The following ZNF83 variants were observed in gnomAD, a reference collection of about 807,000 sequenced individuals.
ZNF83 encodes zinc finger protein 816B.
For synonymous variants in ZNF83, 209 were observed against 213.0 expected, an observed-to-expected ratio of 0.98 and a Z score of 0.17; for missense variants, 552 against 629.9, an observed-to-expected ratio of 0.88 and a Z score of 1.32.
At chr19:52,632,009 C>T (rs1313712632) in intron 2 of ZNF83, among the ~76,000 whole-genome samples, 7 of 152,008 alleles carry the variant, frequency 4.6e-5, no homozygotes, top group Non-Finnish European at 8.8e-5. Flanking sequence ...CTTTACTCAA[C>T]GTGCCCTGAG....
At chr19:52,642,799 T>C (rs1022049564), upstream of ZNF83, among the ~76,000 whole-genome samples, 4 of 152,084 alleles carry the variant, frequency 2.6e-5, no homozygotes, top group African/African-American at 7.2e-5. Context: ...GGTGGGAGGA[T>C]TACTTGAGCT....
At chr19:52,666,280 G>A (rs1183958322) in intron 1 of ZNF83, among the ~76,000 whole-genome samples, 1 of 151,940 alleles carries the variant, frequency 6.6e-6, no homozygotes, top group Non-Finnish European at 1.5e-5. Flanking sequence ...AAAAGAGAGA[G>A]AGAGAGTAGT....
chr19:52,679,643 C>T (rs2061875040), intron 1 of ZNF83, among the ~76,000 whole-genome samples: 1 of 152,048 alleles, frequency 6.6e-6, no homozygotes, highest in African/African-American at 2.4e-5. Flanking sequence ...AGCATGACAG[C>T]TGGAAACACT....
chr19:52,617,462 G>A (rs2060352345), intron 2 of ZNF83: 1 of 152,264 alleles, frequency 6.6e-6, no homozygotes, highest in South Asian at 2.1e-4. Context: ...CGGGAGCAGT[G>A]GCTCATGCCT....
intron 1 of ZNF83, among the ~76,000 whole-genome samples, chr19:52,688,230 G>T (rs2062080447): frequency 6.6e-6 from 1 of 152,036 alleles, no homozygotes; most frequent in Admixed American, 6.6e-5. Context: ...CAGTGCAGTG[G>T]CATGATCTTG....
intron 2 of ZNF83, among the ~76,000 whole-genome samples, chr19:52,656,617 G>A (rs7259344): frequency 2.0e-5 from 3 of 151,892 alleles, no homozygotes; most frequent in Non-Finnish European, 4.4e-5. Context: ...CCTATAATCC[G>A]AACACTTATG....
chr19:52,642,524 T>A (rs577719168), upstream of ZNF83, among the ~76,000 whole-genome samples: 2 of 152,028 alleles, frequency 1.3e-5, no homozygotes, highest in African/African-American at 4.8e-5. Flanking sequence ...GCACCCAGCC[T>A]CTAACTTTTT....
chr19:52,655,531 T>G, intron 3 of ZNF83: 1 of 1,456,746 alleles, frequency 6.9e-7, no homozygotes, highest in Non-Finnish European at 9.6e-7. Context: ...AAGGGCAGAT[T>G]CCTCACATCA....
upstream of ZNF83, among the ~76,000 whole-genome samples, chr19:52,642,624 G>A (rs964333035): frequency 6.6e-6 from 1 of 152,128 alleles, no homozygotes; most frequent in Non-Finnish European, 1.5e-5. Context: ...CTTTGGCTTA[G>A]TAATTTTTAT....
intron 3 of ZNF83, among the ~76,000 whole-genome samples, chr19:52,649,761 C>T (rs1298069751): frequency 1.3e-5 from 2 of 152,034 alleles, no homozygotes; most frequent in South Asian, 2.1e-4. Context: ...AATAGCTAGC[C>T]ATTGGTAGCC....
At chr19:52,622,763 G>T (rs994339227) in intron 2 of ZNF83, among the ~76,000 whole-genome samples, 2 of 150,658 alleles carry the variant, frequency 1.3e-5, no homozygotes, top group Admixed American at 1.3e-4. Flanking sequence ...TTATCAACCA[G>T]TCAGCTCCTG....
intron 2 of ZNF83, among the ~76,000 whole-genome samples, chr19:52,655,864 A>G (rs1032112172): frequency 5.9e-5 from 9 of 152,158 alleles, no homozygotes; most frequent in African/African-American, 2.2e-4. Flanking sequence ...CTTTCCCATG[A>G]TAGATTTTGA....
At chr19:52,686,410 A>G (rs2062015373) in intron 1 of ZNF83, among the ~76,000 whole-genome samples, 1 of 151,270 alleles carries the variant, frequency 6.6e-6, no homozygotes, top group Admixed American at 6.6e-5. Context: ...ATTAAAAAAG[A>G]TACTCTTAAA....
intron 1 of ZNF83, among the ~76,000 whole-genome samples, chr19:52,670,121 C>G (rs138586673): frequency 1.3e-5 from 2 of 152,050 alleles, no homozygotes; most frequent in Non-Finnish European, 2.9e-5. Context: ...ATCACCTGCT[C>G]CACCTTGACT....
chr19:52,664,584 C>T (rs571437276), intron 1 of ZNF83, among the ~76,000 whole-genome samples: 14 of 152,254 alleles, frequency 9.2e-5, no homozygotes, highest in African/African-American at 2.6e-4. Flanking sequence ...TTTAAGTCCA[C>T]GCCATCTGCT....
chr19:52,666,121 A>G (rs1307704301), intron 1 of ZNF83, among the ~76,000 whole-genome samples: 11 of 147,180 alleles, frequency 7.5e-5, no homozygotes, highest in Admixed American at 4.2e-4. Flanking sequence ...CCAAGATCGC[A>G]CCACTGCACT....
chr19:52,674,984 G>T (rs966654587), intron 1 of ZNF83, among the ~76,000 whole-genome samples: 1 of 152,170 alleles, frequency 6.6e-6, no homozygotes, highest in Non-Finnish European at 1.5e-5. Context: ...GGCTCCCAAA[G>T]TGCTGGGATT....
chr19:52,616,931 G>C (rs2060329386), intron 2 of ZNF83: 1 of 152,042 alleles, frequency 6.6e-6, no homozygotes, highest in Admixed American at 6.6e-5. Flanking sequence ...ACTAACACAG[G>C]AACAGAAAAC....
At chr19:52,642,225 G>A (rs148642071), upstream of ZNF83, among the ~76,000 whole-genome samples, 910 of 145,014 alleles carry the variant, frequency 6.3e-3, 14 homozygotes, top group African/African-American at 0.021. Flanking sequence ...AGGGTGAAGA[G>A]CTTGAGGCTT....
Sources: allele counts gnomAD v4.1 joint callset (sites outside exome capture counted in the v4.1 genomes callset), GRCh38; gene constraint gnomAD v4.1.1; transcripts MANE v1.5; gene names NCBI Gene and HGNC (gene_info 2026-07-23, HGNC 2026-07-21).